Variants in PRPF31 observed in about 807,000 individuals in gnomAD.
PRPF31 encodes U4/U6 small nuclear ribonucleoprotein Prp31.
A neutral mutation model predicts 60.4 loss-of-function variants in PRPF31; 12 were observed. The observed-to-expected ratio is 0.20, with a 90% confidence interval of 0.13 to 0.32. The LOEUF is 0.32. Among genes scored for constraint, PRPF31 ranks in the 10% least tolerant of loss-of-function variants. The pLI is 1.00. For missense variants in PRPF31, 431 were observed against 687.1 expected, an observed-to-expected ratio of 0.63 and a Z score of 4.17; for synonymous variants, 287 against 287.9, an observed-to-expected ratio of 1.00 and a Z score of 0.03.
intron 1 of PRPF31, 36 bp from the exon 2 acceptor site, chr19:54,118,235 G>C (rs1187778127): frequency 5.0e-6 from 8 of 1,612,058 alleles, no homozygotes; most frequent in African/African-American, 1.3e-5. Context: ...ACTTTGTCGG[G>C]GCAAGTTTTT....
At chr19:54,121,604 T>C (rs1378006820) in intron 3 of PRPF31, among the ~76,000 whole-genome samples, 1 of 152,144 alleles carries the variant, frequency 6.6e-6, no homozygotes, top group Middle Eastern at 3.2e-3. Flanking sequence ...GCCTTGGGGC[T>C]GTGGGGAGCC....
At chr19:54,129,225 A>G in intron 12 of PRPF31, 40 bp downstream of exon 12, 2 of 1,601,116 alleles carry the variant, frequency 1.2e-6, no homozygotes, top group Non-Finnish European at 1.7e-6. Context: ...ACCGAGGGAC[A>G]CAAGGTGGGG....
At chr19:54,123,091 C>T (rs946132141) in intron 5 of PRPF31, 5 of 480,018 alleles carry the variant, frequency 1.0e-5, no homozygotes, top group East Asian at 7.9e-5. Flanking sequence ...GAGGTCCCCA[C>T]GCATGTCCAG....
chr19:54,121,827 G>T (rs187338401), intron 3 of PRPF31, 33 bp from the exon 4 acceptor site: 1 of 1,583,608 alleles, frequency 6.3e-7, no homozygotes, highest in Non-Finnish European at 8.6e-7. Context: ...TAGGGATTTA[G>T]ATACTCACAC....
At chr19:54,119,330 C>T (rs367711983) in intron 3 of PRPF31, among the ~76,000 whole-genome samples, 21 of 151,036 alleles carry the variant, frequency 1.4e-4, no homozygotes, top group African/African-American at 4.4e-4. Context: ...TGCAGTGAGC[C>T]GAGATCGTGC....
At chr19:54,120,714 G>T (rs587703776) in intron 3 of PRPF31, among the ~76,000 whole-genome samples, 155 of 152,280 alleles carry the variant, frequency 1.0e-3, no homozygotes, top group African/African-American at 3.5e-3. Flanking sequence ...GGGCTCAGGC[G>T]TTCCTGCCTC....
At chr19:54,126,482 T>C (rs1458179841) in intron 8 of PRPF31, 46 bp from the exon 9 acceptor site, 4 of 1,580,832 alleles carry the variant, frequency 2.5e-6, no homozygotes, top group Non-Finnish European at 3.5e-6. Flanking sequence ...GTTACCTCTG[T>C]CTGTCTGTCT....
intron 7 of PRPF31, 168 bp downstream of exon 7, chr19:54,124,086 T>C: frequency 7.3e-7 from 1 of 1,379,026 alleles, no homozygotes; most frequent in East Asian, 2.5e-5. Context: ...AAGCCTCATC[T>C]GTGGGAAAAA....
intron 13 of PRPF31, 30 bp from the exon 14 acceptor site, chr19:54,131,277 C>G (rs755341752): frequency 1.9e-6 from 3 of 1,613,322 alleles, no homozygotes; most frequent in Admixed American, 3.3e-5. Flanking sequence ...CCTCACCTAA[C>G]CCATCATCCT....
chr19:54,123,794 C>T lies in PRPF31; in HGVS notation c.573C>T (p.Cys191=), dbSNP rs764232082. The part of the protein sequence containing the change: ...EEELERLEEA[C]DMALELNASK... ...AGCTGGAGCGGCTGGAGGAGGCCTG[C>T]GACATGGCGCTGGAGCTGAACGCCT... Residue 191 remains cysteine (C), a synonymous_variant, in exon 7 of 14, where the codon TGC becomes TGT. Coordinates refer to ENST00000321030, the MANE Select transcript of PRPF31 (RefSeq NM_015629.4). 24 of 1,612,018 alleles carry T rather than the reference C, an allele frequency of 1.5e-5. No homozygotes were observed. Among genetic ancestry groups the T allele is most frequent in the Non-Finnish European group, 1.7e-5 (20 of 1,179,936 alleles).
chr19:54,126,701 C>G (rs1260620522), intron 9 of PRPF31, 84 bp downstream of exon 9: 6 of 1,335,284 alleles, frequency 4.5e-6, no homozygotes, highest in Non-Finnish European at 5.3e-6. Flanking sequence ...CAGCAGGGAG[C>G]CCACCCCAGC....
intron 4 of PRPF31, 97 bp downstream of exon 4, chr19:54,122,040 C>A: frequency 7.7e-7 from 1 of 1,306,648 alleles, no homozygotes; most frequent in Non-Finnish European, 1.1e-6. Context: ...TGCCCCTAAG[C>A]CCAAGCTCAG....
chr19:54,121,286 A>G (rs1459459371), intron 3 of PRPF31, among the ~76,000 whole-genome samples: 1 of 142,028 alleles, frequency 7.0e-6, no homozygotes, highest in Non-Finnish European at 1.5e-5. Context: ...CTGGGCAACC[A>G]GAGCGAAATT....
At chr19:54,118,127 C>A in intron 1 of PRPF31, 144 bp from the exon 2 acceptor site, 1 of 1,192,230 alleles carries the variant, frequency 8.4e-7, no homozygotes, top group Non-Finnish European at 1.2e-6. Context: ...ACAAAACAAA[C>A]TAAAGCACCT....
chr19:54,122,517 C>T lies in PRPF31; in HGVS notation c.343C>T (p.Arg115Trp), dbSNP rs1461367727. 1.2e-6 allele frequency: 2 copies of T among 1,613,764 alleles called. No individual in the cohort carries two copies. The highest frequency in any genetic ancestry group is 1.7e-6 in the Non-Finnish European group (2 of 1,179,632). Reference protein sequence around the residue: ...NELNIIHKFIRDKYSKRFPEL... With the variant: ...NELNIIHKFIWDKYSKRFPEL... ...CCTAGACATCATCCATAAGTTCATC[C>T]GGGATAAGTACTCAAAGAGATTCCC... The change falls in exon 5 of 14, where the codon CGG becomes TGG. Residue 115 changes from arginine (R) to tryptophan (W), a missense_variant. Transcript: ENST00000321030.
chr19:54,124,360 T>A, intron 7 of PRPF31, 139 bp from the exon 8 acceptor site: 1 of 881,400 alleles, frequency 1.1e-6, no homozygotes, highest in Non-Finnish European at 1.8e-6. Context: ...GTCGCCCGCC[T>A]GGCAGGGCCA....
chr19:54,120,092 T>C (rs1255338023), intron 3 of PRPF31: 2 of 152,192 alleles, frequency 1.3e-5, no homozygotes, highest in Admixed American at 6.6e-5. Flanking sequence ...GATAGCTGAA[T>C]TGGACTGTAG....
At position 54,124,669 on chromosome 19, in the gene PRPF31, C is replaced by G; in HGVS notation, c.855+13C>G. ...GTCCCTGCCACCGGTGAGCCCACTGCGTCATGGCCCCTCCCCCGGCCCCCC... is the reference window on the plus strand; with the variant it reads ...GTCCCTGCCACCGGTGAGCCCACTGGGTCATGGCCCCTCCCCCGGCCCCCC... On this transcript the variant is annotated intron_variant, in intron 8 of 13. Coordinates refer to ENST00000321030, the MANE Select transcript of PRPF31 (RefSeq NM_015629.4). 6.2e-7 allele frequency: 1 copy of G among 1,611,240 alleles called. No individual in the cohort carries two copies. Among genetic ancestry groups the G allele is most frequent in the Non-Finnish European group, 8.5e-7 (1 of 1,179,786 alleles).
At position 54,131,646 on chromosome 19, in the gene PRPF31, GC is replaced by G; in HGVS notation, c.*216del. ...ATGGGCTAGAGCAGGTCTTCATCAT[GC>G]CTTGTCTTTTTTAACTGAGAAAGGA... On this transcript the variant is annotated 3_prime_UTR_variant, in exon 14 of 14. Transcript: ENST00000321030. The G allele has an allele frequency of 1.5e-6, 1 of 648,486 alleles. No individual in the cohort carries two copies. The highest frequency in any genetic ancestry group is 2.7e-6 in the Non-Finnish European group (1 of 375,974). 40.2% of individuals were successfully genotyped at this position (648,486 alleles called of 1,614,324 possible). A position where few individuals can be genotyped will look rare whatever the true frequency, so the allele number is the denominator to read the frequency against.
Sources: allele counts gnomAD v4.1 joint callset (sites outside exome capture counted in the v4.1 genomes callset), GRCh38; gene constraint gnomAD v4.1.1; transcripts MANE v1.5; gene names NCBI Gene and HGNC (gene_info 2026-07-23, HGNC 2026-07-21).